THTPA: variants seen among roughly 807,000 people sequenced by gnomAD.
THTPA encodes the protein thiamine-triphosphatase.
Under a neutral mutation model 16.5 loss-of-function variants are expected in THTPA, and 16 were observed. The ratio of observed to expected loss-of-function variants is 0.97; its 90% CI spans 0.66 to 1.47. The LOEUF (loss-of-function observed/expected upper bound fraction) is 1.47. Ranked by LOEUF, THTPA falls within the 40% of genes most tolerant of loss-of-function variation. The pLI, the probability that THTPA is intolerant of heterozygous loss-of-function variation, is 0.00. For synonymous variants in THTPA, 110 were observed against 115.5 expected, an observed-to-expected ratio of 0.95 and a Z score of 0.30; for missense variants, 281 against 280.9, an observed-to-expected ratio of 1.00 and a Z score of 0.00.
rs150538155 is a variant in THTPA at position 23,557,130 on chromosome 14, C to T, written c.373C>T (p.Arg125Trp). Residue 125 changes from arginine to tryptophan, a missense_variant, in exon 1 of 2, where the codon CGG becomes TGG. Coordinates refer to ENST00000288014, the MANE Select transcript of THTPA (RefSeq NM_024328.6). Reference protein sequence around the residue: ...LQEVASFVTKRSAWKLVLLGA... With the variant: ...LQEVASFVTKWSAWKLVLLGA... ...GGAAGTAGCTAGTTTTGTGACTAAGCGGAGTGCCTGGAAGCTGGTGCTCTT... is the reference window on the plus strand; with the variant it reads ...GGAAGTAGCTAGTTTTGTGACTAAGTGGAGTGCCTGGAAGCTGGTGCTCTT... 9.3e-6 allele frequency: 15 copies of T among 1,613,978 alleles called. No individual in the cohort carries two copies. Among genetic ancestry groups the T allele is most frequent in the African/African-American group, 2.7e-5 (2 of 74,896 alleles).
chr14:23,545,033 C>A, the THTPA span, among the ~76,000 whole-genome samples: 2 of 152,238 alleles, frequency 1.3e-5, no homozygotes, highest in East Asian at 3.9e-4. Flanking sequence ...CATCACCCTC[C>A]CTTTTTTCTC....
chr14:23,550,990 G>C (rs1031907946), upstream of THTPA, among the ~76,000 whole-genome samples: 2 of 151,078 alleles, frequency 1.3e-5, no homozygotes, highest in African/African-American at 4.9e-5. Context: ...CCCGCTCCCT[G>C]CCCAACTCGG....
upstream of THTPA, among the ~76,000 whole-genome samples, chr14:23,555,438 G>C (rs1882282831): frequency 6.6e-6 from 1 of 152,118 alleles, no homozygotes; most frequent in South Asian, 2.1e-4. Context: ...TTCTCCTTAC[G>C]TACCACCCAG....
At chr14:23,558,471 G>A (rs1009300353) in intron 1 of THTPA, among the ~76,000 whole-genome samples, 1 of 152,214 alleles carries the variant, frequency 6.6e-6, no homozygotes, top group Non-Finnish European at 1.5e-5. Flanking sequence ...AGAGGCTGAG[G>A]TGTGGCTTCT....
the THTPA span, chr14:23,526,034 T>G: frequency 6.5e-7 from 1 of 1,536,104 alleles, no homozygotes; most frequent in Non-Finnish European, 8.7e-7. Context: ...AGTGCCCACC[T>G]CCCCCTCTGT....
the THTPA span, among the ~76,000 whole-genome samples, chr14:23,520,100 C>G: frequency 6.6e-6 from 1 of 152,160 alleles, no homozygotes; most frequent in Admixed American, 6.5e-5. This position sits in a 1 kb window ranked among gnomAD's most constrained non-coding sequence, Gnocchi z 8.7. Flanking sequence ...CCTAGGGGTA[C>G]AGAACATTCT....
chr14:23,524,464 T>C, the THTPA span: 1 of 1,534,588 alleles, frequency 6.5e-7, no homozygotes, highest in Non-Finnish European at 8.7e-7. The surrounding 1 kb of genome is among the most constrained non-coding windows in gnomAD (Gnocchi z 5.6). Context: ...GAGGTGGACC[T>C]GGCATTGGTG....
At chr14:23,550,872 G>A in the THTPA span, among the ~76,000 whole-genome samples, 1 of 151,798 alleles carries the variant, frequency 6.6e-6, no homozygotes, top group Non-Finnish European at 1.5e-5. Context: ...CCCGCCGGCC[G>A]CGGTTCTCCC....
chr14:23,525,657 C>G, the THTPA span: 2 of 1,535,286 alleles, frequency 1.3e-6, no homozygotes, highest in Non-Finnish European at 1.7e-6. The surrounding 1 kb of genome is among the most constrained non-coding windows in gnomAD (Gnocchi z 5.9). Flanking sequence ...GGCAATGGGT[C>G]GGGGGGTGAG....
At chr14:23,557,646 C>T (rs967561685) in intron 1 of THTPA, among the ~76,000 whole-genome samples, 1 of 152,198 alleles carries the variant, frequency 6.6e-6, no homozygotes, top group South Asian at 2.1e-4. Context: ...AGTCCTTCCA[C>T]GTGTCTAATT....
At chr14:23,538,772 A>C in the THTPA span, among the ~76,000 whole-genome samples, 1 of 152,034 alleles carries the variant, frequency 6.6e-6, no homozygotes, top group African/African-American at 2.4e-5. Context: ...GAGGTTGGGG[A>C]CGGTCAGGGA....
chr14:23,522,771 G>T, the THTPA span: 1 of 1,536,468 alleles, frequency 6.5e-7, no homozygotes, highest in Non-Finnish European at 8.7e-7. Flanking sequence ...TCCCCCAAGG[G>T]CTCAGTAGGA....
chr14:23,553,873 G>A (rs1041642506), upstream of THTPA, among the ~76,000 whole-genome samples: 6 of 151,870 alleles, frequency 4.0e-5, no homozygotes, highest in African/African-American at 9.7e-5. Flanking sequence ...CAGCCTGGGC[G>A]ACAAAGCGAG....
At chr14:23,524,963 A>G in the THTPA span, 7 of 1,536,240 alleles carry the variant, frequency 4.6e-6, no homozygotes, top group Non-Finnish European at 6.1e-6. This position sits in a 1 kb window ranked among gnomAD's most constrained non-coding sequence, Gnocchi z 5.6. Flanking sequence ...TCCGGTTGGC[A>G]TGGACCCACC....
chr14:23,530,281 C>T, the THTPA span: 1 of 1,063,076 alleles, frequency 9.4e-7, no homozygotes, highest in Non-Finnish European at 1.4e-6. Flanking sequence ...GACAAGCAGC[C>T]AGTCAATGAA....
chr14:23,533,261 G>C, the THTPA span: 1 of 1,435,930 alleles, frequency 7.0e-7, no homozygotes, highest in South Asian at 1.5e-5. The surrounding 1 kb of genome is among the most constrained non-coding windows in gnomAD (Gnocchi z 4.8). Flanking sequence ...GAGGAGAGAA[G>C]AGGGAAGAAG....
chr14:23,530,123 A>G, the THTPA span: 4 of 1,535,706 alleles, frequency 2.6e-6, no homozygotes, highest in Admixed American at 2.0e-5. Flanking sequence ...AACTCACCCA[A>G]TTGTTCTGTC....
At chr14:23,527,901 C>CTTT in the THTPA span, 241 of 448,420 alleles carry the variant, frequency 5.4e-4, no homozygotes, top group Non-Finnish European at 5.9e-4. Context: ...GCCCCCACTC[C>CTTT]TTTTTTTTTT....
chr14:23,558,638 G>C, intron 1 of THTPA, 57 bp from the exon 2 acceptor site: 1 of 1,607,360 alleles, frequency 6.2e-7, no homozygotes, highest in South Asian at 1.1e-5. Flanking sequence ...GCAGGGAGCA[G>C]AGTCCAAGTG....
Sources: gnomAD v4.1 joint callset for allele counts (sites outside exome capture counted in the v4.1 genomes callset) on GRCh38, gnomAD v4.1.1 for gene constraint, Gnocchi (gnomAD v3.1) non-coding constraint, MANE v1.5 for transcripts, NCBI Gene and HGNC (gene_info 2026-07-23, HGNC 2026-07-21) for gene names.